Variants in ABCA1 observed in about 807,000 individuals in gnomAD.
ABCA1 encodes the protein phospholipid-transporting ATPase ABCA1.
In ABCA1, 133 loss-of-function variants were observed where a neutral mutation model predicts 262.5. The ratio of observed to expected loss-of-function variants is 0.51; its 90% CI spans 0.44 to 0.59. The LOEUF (loss-of-function observed/expected upper bound fraction) is 0.59. Among genes scored for constraint, ABCA1 ranks in the 20% least tolerant of loss-of-function variants. ABCA1 has a pLI of 0.00. For synonymous variants in ABCA1, 1,022 were observed against 1,043.5 expected, an observed-to-expected ratio of 0.98 and a Z score of 0.40; for missense variants, 2,452 against 2,777.5, an observed-to-expected ratio of 0.88 and a Z score of 2.63.
chr9:104,864,125 A>G (rs978943826), intron 5 of ABCA1, among the ~76,000 whole-genome samples: 1 of 152,208 alleles, frequency 6.6e-6, no homozygotes, highest in African/African-American at 2.4e-5. Context: ...AGTACCACCA[A>G]TGCCCAGATC....
chr9:104,793,390 C>T (rs746601173), intron 40 of ABCA1, 90 bp from the exon 41 acceptor site: 33 of 1,549,134 alleles, frequency 2.1e-5, no homozygotes, highest in Non-Finnish European at 2.5e-5. Context: ...CCTTAAAATT[C>T]ACCGATCTTC....
intron 31 of ABCA1, among the ~76,000 whole-genome samples, 200 bp from the exon 32 acceptor site, chr9:104,804,920 G>C (rs1215513705): frequency 6.6e-6 from 1 of 152,112 alleles, no homozygotes; most frequent in Non-Finnish European, 1.5e-5. Context: ...ACCAAGCCAA[G>C]GTCTTTCCCA....
At chr9:104,852,188 T>A (rs1835434446) in intron 7 of ABCA1, among the ~76,000 whole-genome samples, 1 of 152,240 alleles carries the variant, frequency 6.6e-6, no homozygotes, top group Middle Eastern at 3.2e-3. Context: ...CAACTCAGGC[T>A]GGGATTAGTA....
chr9:104,874,074 C>T (rs112067198), intron 5 of ABCA1, among the ~76,000 whole-genome samples: 157 of 152,322 alleles, frequency 1.0e-3, no homozygotes, highest in African/African-American at 3.6e-3. Context: ...CTGGAGCTCA[C>T]GTCTTTTTGA....
chr9:104,809,385 G>T, intron 30 of ABCA1, 81 bp downstream of exon 30: 1 of 1,287,660 alleles, frequency 7.8e-7, no homozygotes, highest in Non-Finnish European at 1.1e-6. Context: ...AATGTGGCAT[G>T]CAGTTGATAA....
At chr9:104,877,901 T>C (rs1838290390) in intron 5 of ABCA1, among the ~76,000 whole-genome samples, 1 of 152,256 alleles carries the variant, frequency 6.6e-6, no homozygotes, top group Admixed American at 6.5e-5. Flanking sequence ...AGTTTTACCA[T>C]ATTCACAGAA....
intron 39 of ABCA1, 114 bp downstream of exon 39, chr9:104,795,939 G>A (rs1191955007): frequency 7.0e-7 from 1 of 1,421,972 alleles, no homozygotes; most frequent in African/African-American, 1.4e-5. Context: ...GACAGGACAA[G>A]GCAGTCAGCA....
intron 7 of ABCA1, among the ~76,000 whole-genome samples, chr9:104,850,154 C>T (rs1184421176): frequency 6.7e-6 from 1 of 150,030 alleles, no homozygotes; most frequent in Admixed American, 6.7e-5. Context: ...CGGAGTCTCA[C>T]TCTGTCACCC....
intron 19 of ABCA1, 149 bp from the exon 20 acceptor site, chr9:104,821,655 A>T (rs989776947): frequency 2.2e-6 from 2 of 928,486 alleles, no homozygotes; most frequent in African/African-American, 3.3e-5. Flanking sequence ...ACACAAAGCA[A>T]AGCTGTCCTT....
intron 1 of ABCA1, among the ~76,000 whole-genome samples, chr9:104,922,048 G>C (rs1387212580): frequency 3.3e-5 from 5 of 152,114 alleles, no homozygotes; most frequent in Non-Finnish European, 5.9e-5. Context: ...AAAGCTAAAG[G>C]GTTTTGTACC....
At chr9:104,880,189 C>T (rs1838505491) in intron 5 of ABCA1, among the ~76,000 whole-genome samples, 2 of 152,038 alleles carry the variant, frequency 1.3e-5, no homozygotes, top group Non-Finnish European at 2.9e-5. Context: ...AAGGATCCTC[C>T]CAGCCCTGGG....
At chr9:104,796,284 G>T (rs536661544) in intron 38 of ABCA1, 25 bp downstream of exon 38, 2 of 1,613,812 alleles carry the variant, frequency 1.2e-6, no homozygotes, top group South Asian at 2.2e-5. Flanking sequence ...CCACTGTGCA[G>T]CTCCCTCACT....
At chr9:104,872,892 G>A (rs1837754378) in intron 5 of ABCA1, among the ~76,000 whole-genome samples, 1 of 152,226 alleles carries the variant, frequency 6.6e-6, no homozygotes, top group South Asian at 2.1e-4. Flanking sequence ...ACACTATTCT[G>A]TAATCGAATG....
Position 104,816,333 on chromosome 9 carries a change from A to G in ABCA1, c.3548T>C (p.Ile1183Thr). The change falls in exon 25 of 50, where the codon ATC becomes ACC. Residue 1183 changes from isoleucine (I) to threonine (T), a missense_variant. By Grantham distance (89) the Ile-to-Thr change is moderately conservative. This residue lies in a region of ABCA1 where 665 missense variants were observed against 727.3 expected (regional missense o/e 0.91). Transcript: ENST00000374736. ...SDTLTIDVSA[I>T]SNLIRKHVSE... ...CACATGCTTCCTGATGAGGTTGGAG[A>G]TAGCAGAGACATCTGCAGGGACCAG... 2 of 1,613,788 alleles carry G rather than the reference A, an allele frequency of 1.2e-6. No individual in the cohort carries two copies. Among genetic ancestry groups the G allele is most frequent in the Non-Finnish European group, 1.7e-6 (2 of 1,180,010 alleles).
intron 1 of ABCA1, among the ~76,000 whole-genome samples, chr9:104,923,640 G>T (rs1332401616): frequency 1.3e-5 from 2 of 152,216 alleles, no homozygotes; most frequent in Non-Finnish European, 2.9e-5. Context: ...CTGGGTTCAA[G>T]TCTTAGCTCT....
chr9:104,906,785 T>C (rs1287156640), intron 1 of ABCA1, among the ~76,000 whole-genome samples: 1 of 148,706 alleles, frequency 6.7e-6, no homozygotes, highest in African/African-American at 2.5e-5. Context: ...AAAGAGACAG[T>C]ACTATGTACT....
intron 5 of ABCA1, among the ~76,000 whole-genome samples, chr9:104,871,766 T>A (rs1837627620): frequency 1.3e-5 from 2 of 149,806 alleles, no homozygotes; most frequent in Non-Finnish European, 1.5e-5. Context: ...AGAAACAGAG[T>A]CCAGAAACAG....
intron 2 of ABCA1, among the ~76,000 whole-genome samples, chr9:104,896,871 C>T (rs981743387): frequency 1.1e-4 from 16 of 151,364 alleles, no homozygotes; most frequent in African/African-American, 3.9e-4. Context: ...GCTGGGACTC[C>T]AGGCAAGTAC....
At chr9:104,840,240 GGGGTTGGGGACA>G in intron 9 of ABCA1, 27 bp downstream of exon 9, 1 of 1,613,768 alleles carries the variant, frequency 6.2e-7, no homozygotes, top group Non-Finnish European at 8.5e-7. Flanking sequence ...AGGGAGGGAT[GGGGTTGGGGACA>G]GGGCTGGGGT....
Sources: gnomAD v4.1 joint callset for allele counts (sites outside exome capture counted in the v4.1 genomes callset) on GRCh38, gnomAD v4.1.1 for gene constraint, gnomAD v4.1.1 regional missense constraint, MANE v1.5 for transcripts, NCBI Gene and HGNC (gene_info 2026-07-23, HGNC 2026-07-21) for gene names.